The following SEMA6D variants were observed in gnomAD, a reference collection of about 807,000 sequenced individuals.
SEMA6D encodes the protein semaphorin 6D, also known as semaphorin-6D.
SEMA6D carries 35 observed loss-of-function variants against 106.6 expected under a neutral mutation model. That is an observed-to-expected ratio of 0.33 (90% confidence interval 0.25 to 0.44). SEMA6D has a LOEUF of 0.44. Among genes scored for constraint, SEMA6D ranks in the 20% least tolerant of loss-of-function variants. The pLI, the probability that SEMA6D is intolerant of heterozygous loss-of-function variation, is 1.00. For missense variants in SEMA6D, 1,185 were observed against 1,345.9 expected, an observed-to-expected ratio of 0.88 and a Z score of 1.87; for synonymous variants, 499 against 487.7, an observed-to-expected ratio of 1.02 and a Z score of -0.31.
chr15:47,581,464 C>T, intron 3 of SEMA6D: 1 of 445,500 alleles, frequency 2.2e-6, no homozygotes, highest in Non-Finnish European at 4.4e-6. Context: ...AGTGGGAAGG[C>T]ACTCCTTTAG....
chr15:47,353,367 T>C (rs2038405882), intron 1 of SEMA6D, among the ~76,000 whole-genome samples: 2 of 152,148 alleles, frequency 1.3e-5, no homozygotes, highest in South Asian at 4.1e-4. Context: ...AAAATCAAAT[T>C]ATTTTTCCTG....
At chr15:47,342,482 C>G (rs2037857370) in intron 1 of SEMA6D, among the ~76,000 whole-genome samples, 1 of 152,186 alleles carries the variant, frequency 6.6e-6, no homozygotes, top group South Asian at 2.1e-4. Context: ...TCTGTCTTAC[C>G]TCCTTAAGCA....
intron 4 of SEMA6D, among the ~76,000 whole-genome samples, chr15:47,703,422 A>G (rs1355558177): frequency 6.6e-6 from 1 of 152,200 alleles, no homozygotes; most frequent in South Asian, 2.1e-4. Flanking sequence ...AATTTATGAC[A>G]TAGGCTCTAA....
chr15:47,364,252 G>A (rs1489199891), intron 1 of SEMA6D, among the ~76,000 whole-genome samples: 1 of 152,154 alleles, frequency 6.6e-6, no homozygotes, highest in South Asian at 2.1e-4. Context: ...GGAGGTTGTG[G>A]AACTATTTTC....
At chr15:47,374,204 G>T (rs2039371894) in intron 1 of SEMA6D, among the ~76,000 whole-genome samples, 1 of 152,090 alleles carries the variant, frequency 6.6e-6, no homozygotes, top group Non-Finnish European at 1.5e-5. Context: ...TTAAGCTAAG[G>T]AACTGAAACA....
chr15:47,221,269 T>C lies in SEMA6D; in HGVS notation c.-239+36851T>C, dbSNP rs556298947. ...AAGTAGCTGGGCTCCTCTATGAATATAGCTCTTGCAGAGCAGGCCCTCCCC... is the reference window on the plus strand; with the variant it reads ...AAGTAGCTGGGCTCCTCTATGAATACAGCTCTTGCAGAGCAGGCCCTCCCC... On this transcript the variant is annotated intron_variant, in intron 1 of 19. Coordinates refer to the SEMA6D transcript ENST00000558014. Among the ~76,000 whole-genome samples, 6 of 152,334 alleles carry C rather than the reference T, an allele frequency of 3.9e-5. No homozygotes were observed. The South Asian group carries it at 1.0e-3, about 26-fold the overall frequency.
chr15:47,348,725 C>G (rs868635301), intron 1 of SEMA6D, among the ~76,000 whole-genome samples: 10,151 of 45,946 alleles, frequency 0.22, 1,483 homozygotes, highest in African/African-American at 0.34. Flanking sequence ...ACACCACACA[C>G]ACAGAGAGAG....
In SEMA6D at chr15:47,601,084, TAGAG is replaced by T. The variant is rs534318659; in HGVS notation, c.-55+196_-55+199del. On this transcript the variant is annotated intron_variant, in intron 4 of 19. Transcript: ENST00000558014. The stretch of plus-strand genomic sequence containing the variant: ...GACTAAGTACTGGTCTTAAGAGAAA[TAGAG>T]AGAGAGAATGAGAGAGAGAGAGAGA... 5.2e-4 allele frequency among the ~76,000 whole-genome samples: 78 copies of T among 150,698 alleles called. 1 individual carries two copies. The highest frequency in any genetic ancestry group is 1.3e-3 in the South Asian group (6 of 4,750).
At chr15:47,640,369 C>T (rs555462390) in intron 4 of SEMA6D, among the ~76,000 whole-genome samples, 106 of 152,246 alleles carry the variant, frequency 7.0e-4, no homozygotes, top group African/African-American at 2.5e-3. Context: ...ACAAATATAT[C>T]GGTCTGTAAT....
At chr15:47,461,821 T>C (rs281324) in intron 2 of SEMA6D, among the ~76,000 whole-genome samples, 87,531 of 151,224 alleles carry the variant, frequency 0.58, 27,055 homozygotes, top group East Asian at 0.87. Flanking sequence ...AAGGGCAAAT[T>C]TGTAAAATGT....
chr15:47,350,468 C>T (rs997108084), intron 1 of SEMA6D, among the ~76,000 whole-genome samples: 1 of 152,098 alleles, frequency 6.6e-6, no homozygotes, highest in Admixed American at 6.6e-5. Flanking sequence ...TGCATTGAAA[C>T]ATGCATTGTT....
intron 2 of SEMA6D, among the ~76,000 whole-genome samples, chr15:47,441,915 G>C (rs1313393168): frequency 2.6e-5 from 4 of 151,976 alleles, no homozygotes; most frequent in African/African-American, 4.8e-5. Context: ...AAATTCCTTA[G>C]TTCATTATTG....
intron 1 of SEMA6D, among the ~76,000 whole-genome samples, chr15:47,356,705 T>C (rs866347246): frequency 6.6e-6 from 1 of 152,138 alleles, no homozygotes; most frequent in African/African-American, 2.4e-5. Context: ...TGCAGCTGTA[T>C]AAGTAAGACA....
chr15:47,707,943 A>G (rs1024884264), intron 4 of SEMA6D, among the ~76,000 whole-genome samples: 1 of 152,170 alleles, frequency 6.6e-6, no homozygotes, highest in African/African-American at 2.4e-5. Context: ...AAACTTGGAA[A>G]AATCTCCCAC....
At chr15:47,499,215 A>C (rs905897409) in intron 3 of SEMA6D, among the ~76,000 whole-genome samples, 8 of 152,168 alleles carry the variant, frequency 5.3e-5, no homozygotes, top group African/African-American at 1.9e-4. Flanking sequence ...ATGGAGAACA[A>C]GACTGAGGTC....
intron 3 of SEMA6D, among the ~76,000 whole-genome samples, chr15:47,518,541 A>C (rs1167320406): frequency 1.3e-5 from 2 of 152,242 alleles, no homozygotes; most frequent in Non-Finnish European, 2.9e-5. Context: ...CCTGTATAGC[A>C]AGTTACTGTA....
In SEMA6D at chr15:47,707,015, T is replaced by A. The variant is rs2078924963; in HGVS notation, c.-54-52730T>A. ...AGAATTAAAATTATATCCTATACAT[T>A]TCAGGGGTTTTTTTGTAAAGAGAAT... is the stretch of plus-strand genomic sequence containing the variant. On this transcript the variant is annotated intron_variant, in intron 4 of 19. Transcript: ENST00000558014. Among the ~76,000 whole-genome samples the A allele has an allele frequency of 3.9e-5, 6 of 152,238 alleles. No homozygotes were observed. In the South Asian group the frequency reaches 1.2e-3, roughly 32 times the overall value.
intron 1 of SEMA6D, among the ~76,000 whole-genome samples, chr15:47,354,197 CTCTATATATATA>C (rs1430977036): frequency 2.7e-5 from 1 of 36,748 alleles, no homozygotes. Context: ...CTCTCTCTCT[CTCTATATATATA>C]TATATATATA....
chr15:47,705,060 A>G (rs1258609141), intron 4 of SEMA6D, among the ~76,000 whole-genome samples: 1 of 152,172 alleles, frequency 6.6e-6, no homozygotes, highest in African/African-American at 2.4e-5. Context: ...TTAGCTAAAC[A>G]TTGTCCTAAG....
Sources: gnomAD v4.1 joint callset for allele counts (sites outside exome capture counted in the v4.1 genomes callset) on GRCh38, gnomAD v4.1.1 for gene constraint, MANE v1.5 for transcripts, NCBI Gene and HGNC (gene_info 2026-07-23, HGNC 2026-07-21) for gene names.